The following ROBO1 variants were observed in gnomAD, a reference collection of about 807,000 sequenced individuals.
ROBO1 encodes roundabout homolog 1.
ROBO1 carries 149 observed loss-of-function variants against 195.9 expected under a neutral mutation model. The ratio of observed to expected loss-of-function variants is 0.76; its 90% CI spans 0.67 to 0.87. The LOEUF (loss-of-function observed/expected upper bound fraction) is 0.87. Ranked by LOEUF, ROBO1 falls within the 40% of genes least tolerant of loss-of-function variation. The pLI is 0.00. For missense variants in ROBO1, 1,933 were observed against 2,068.3 expected, an observed-to-expected ratio of 0.93 and a Z score of 1.27; for synonymous variants, 816 against 733.2, an observed-to-expected ratio of 1.11 and a Z score of -1.82.
At chr3:78,820,845 C>G (rs953143768) in intron 4 of ROBO1, among the ~76,000 whole-genome samples, 1 of 152,136 alleles carries the variant, frequency 6.6e-6, no homozygotes, top group Non-Finnish European at 1.5e-5. Flanking sequence ...GATTTGGAAG[C>G]TATGAGATTT....
chr3:79,421,797 T>C (rs899537365), intron 2 of ROBO1, among the ~76,000 whole-genome samples: 2 of 152,062 alleles, frequency 1.3e-5, no homozygotes, highest in Non-Finnish European at 2.9e-5. Flanking sequence ...AAATAAAATG[T>C]TAGTGACTAA....
At chr3:79,281,553 A>G (rs1365600303) in intron 2 of ROBO1, among the ~76,000 whole-genome samples, 1 of 152,186 alleles carries the variant, frequency 6.6e-6, no homozygotes, top group Non-Finnish European at 1.5e-5. Context: ...GTATTGTAAT[A>G]TTCTGTGCTC....
At chr3:79,524,168 AGT>A (rs10663604) in intron 2 of ROBO1, among the ~76,000 whole-genome samples, 4 of 150,672 alleles carry the variant, frequency 2.7e-5, no homozygotes, top group South Asian at 2.1e-4. Context: ...ATTTGAAGTA[AGT>A]GTGTGTGTGT....
intron 4 of ROBO1, among the ~76,000 whole-genome samples, chr3:78,884,615 AAGAAAG>A (rs2036397565): frequency 1.5e-5 from 2 of 132,628 alleles, no homozygotes; most frequent in South Asian, 4.8e-4. Context: ...GAAAGAGAGA[AAGAAAG>A]AGAGAAAGAA....
chr3:79,200,925 T>G (rs2081751207), intron 2 of ROBO1, among the ~76,000 whole-genome samples: 2 of 152,012 alleles, frequency 1.3e-5, no homozygotes, highest in Admixed American at 1.3e-4. Flanking sequence ...TTAAATTATG[T>G]CTTTGCTATA....
At chr3:79,480,332 A>G (rs1005819317) in intron 2 of ROBO1, among the ~76,000 whole-genome samples, 18 of 152,182 alleles carry the variant, frequency 1.2e-4, no homozygotes, top group African/African-American at 4.3e-4. Context: ...ATATTATTCA[A>G]ATGAATTTAG....
chr3:78,819,971 A>C (rs562860777), intron 4 of ROBO1, among the ~76,000 whole-genome samples: 6 of 152,324 alleles, frequency 3.9e-5, no homozygotes, highest in African/African-American at 1.4e-4. Flanking sequence ...AGAACTTTTA[A>C]AACTTTTTGA....
chr3:78,970,542 A>G (rs191449276), intron 3 of ROBO1, among the ~76,000 whole-genome samples: 21 of 152,302 alleles, frequency 1.4e-4, no homozygotes, highest in Admixed American at 2.6e-4. Flanking sequence ...TTTAACTATC[A>G]CTTCCCCAAA....
Position 79,409,435 on chromosome 3 carries a change from C to A in ROBO1, c.88+180389G>T, listed in dbSNP as rs188609976. Reference sequence around the variant, plus strand: ...ATTTTAATTATATTATGCAACTCTCCATTCATAAGGAAATTGAAGATCTCT... The same window carrying A: ...ATTTTAATTATATTATGCAACTCTCAATTCATAAGGAAATTGAAGATCTCT... On this transcript the variant is annotated intron_variant, in intron 2 of 30. Coordinates refer to ENST00000464233, the MANE Select transcript of ROBO1 (RefSeq NM_002941.4). 2.4e-3 allele frequency among the ~76,000 whole-genome samples: 370 copies of A among 152,162 alleles called. 2 individuals are homozygous for A. The highest frequency in any genetic ancestry group is 7.6e-3 in the African/African-American group (315 of 41,526).
chr3:79,713,484 A>T (rs886377640), intron 1 of ROBO1, among the ~76,000 whole-genome samples: 1 of 152,142 alleles, frequency 6.6e-6, no homozygotes, highest in African/African-American at 2.4e-5. Flanking sequence ...TTCCTGGGTT[A>T]CTTAGAAGAG....
intron 5 of ROBO1, among the ~76,000 whole-genome samples, chr3:78,723,572 T>G: frequency 6.6e-6 from 1 of 152,278 alleles, no homozygotes; most frequent in East Asian, 1.9e-4. Context: ...ACAGCGGTTC[T>G]TAATGGAGGC....
intron 2 of ROBO1, among the ~76,000 whole-genome samples, chr3:79,571,173 G>C (rs1284191917): frequency 6.6e-6 from 1 of 152,040 alleles, no homozygotes; most frequent in African/African-American, 2.4e-5. Flanking sequence ...CAGAAGATTA[G>C]ATCAATTTAT....
chr3:79,438,205 T>C (rs2038947152), intron 2 of ROBO1, among the ~76,000 whole-genome samples: 1 of 152,106 alleles, frequency 6.6e-6, no homozygotes, highest in South Asian at 2.1e-4. Flanking sequence ...ATAATTTAAA[T>C]ACCTGCATTT....
chr3:78,760,854 T>C (rs2083083007), intron 4 of ROBO1, among the ~76,000 whole-genome samples: 1 of 151,928 alleles, frequency 6.6e-6, no homozygotes, highest in Non-Finnish European at 1.5e-5. Flanking sequence ...GTTGCGTGGG[T>C]TAGTCTTGAA....
intron 2 of ROBO1, among the ~76,000 whole-genome samples, chr3:79,148,043 T>G (rs1036493049): frequency 5.3e-5 from 8 of 151,924 alleles, no homozygotes; most frequent in Non-Finnish European, 1.0e-4. Context: ...GCTTTTTTCT[T>G]TCTTTCCTCT....
intron 3 of ROBO1, among the ~76,000 whole-genome samples, chr3:79,054,808 G>A (rs1051400884): frequency 1.1e-3 from 167 of 152,242 alleles, no homozygotes; most frequent in Middle Eastern, 6.8e-3. Context: ...CCAGGGAAAT[G>A]GGAAGTGGGG....
chr3:79,194,199 C>T (rs2081590176), intron 2 of ROBO1, among the ~76,000 whole-genome samples: 1 of 151,626 alleles, frequency 6.6e-6, no homozygotes, highest in African/African-American at 2.4e-5. Context: ...TATAGCCTAT[C>T]AATGTTTTAC....
intron 3 of ROBO1, among the ~76,000 whole-genome samples, chr3:78,978,508 C>G (rs1288165645): frequency 2.0e-5 from 3 of 151,926 alleles, no homozygotes; most frequent in African/African-American, 7.3e-5. Context: ...CCATATTATC[C>G]CTAAGCTTCA....
rs9849571 is a variant in ROBO1 at position 79,166,471 on chromosome 3, T to C, written c.89-40932A>G. Among the ~76,000 whole-genome samples, 1,419 of 152,202 alleles carry C rather than the reference T, an allele frequency of 9.3e-3. 32 individuals are homozygous for C. Among genetic ancestry groups the C allele is most frequent in the African/African-American group, 0.033 (1,351 of 41,538 alleles). On this transcript the variant is annotated intron_variant, in intron 2 of 30. Coordinates refer to ENST00000464233, the MANE Select transcript of ROBO1 (RefSeq NM_002941.4). ...AAATAATTTAGAGACAAATACATTA[T>C]ATATATTTCAATTATGTGATCAACA...
Sources: gnomAD v4.1 joint callset for allele counts (sites outside exome capture counted in the v4.1 genomes callset) on GRCh38, gnomAD v4.1.1 for gene constraint, MANE v1.5 for transcripts, NCBI Gene and HGNC (gene_info 2026-07-23, HGNC 2026-07-21) for gene names.